RAPGEF2: variants seen among roughly 807,000 people sequenced by gnomAD.
The protein encoded by RAPGEF2 is Rap guanine nucleotide exchange factor 2.
In RAPGEF2, 54 loss-of-function variants were observed where a neutral mutation model predicts 186.7. The ratio of observed to expected loss-of-function variants is 0.29; its 90% confidence interval spans 0.23 to 0.36. The LOEUF is 0.36. RAPGEF2 is among the 10% of genes least tolerant of loss of function. RAPGEF2 has a pLI of 1.00. For synonymous variants in RAPGEF2, 712 were observed against 705.9 expected (o/e 1.01, Z -0.14); for missense variants, 1,532 against 2,045.0 (o/e 0.75, Z 4.84).
At chr4:159,346,745 A>G (rs1301645369) in intron 24 of RAPGEF2, 44 bp from the exon 25 acceptor site, 1 of 1,500,214 alleles carries the variant, frequency 6.7e-7, no homozygotes, top group Admixed American at 1.7e-5. Flanking sequence ...ACCTACTAGC[A>G]TCTAAAATTC....
At chr4:159,193,495 T>G (rs1748328692) in intron 3 of RAPGEF2, among the ~76,000 whole-genome samples, 1 of 152,218 alleles carries the variant, frequency 6.6e-6, no homozygotes, top group African/African-American at 2.4e-5. Flanking sequence ...AGATACTATT[T>G]CATATTGTAG....
chr4:159,293,219 G>C (rs557432601), intron 7 of RAPGEF2, among the ~76,000 whole-genome samples: 1 of 152,074 alleles, frequency 6.6e-6, no homozygotes, highest in Non-Finnish European at 1.5e-5. Flanking sequence ...CAATTTTCTC[G>C]TCTTAATATC....
At chr4:159,347,050 G>T in intron 25 of RAPGEF2, 52 bp downstream of exon 25, 1 of 1,483,262 alleles carries the variant, frequency 6.7e-7, no homozygotes, top group Non-Finnish European at 9.3e-7. Flanking sequence ...GTCATGGTTT[G>T]CAAATTAGGA....
At chr4:159,265,199 C>T (rs770861742) in intron 7 of RAPGEF2, among the ~76,000 whole-genome samples, 7 of 152,120 alleles carry the variant, frequency 4.6e-5, no homozygotes, top group Non-Finnish European at 7.4e-5. Flanking sequence ...GTGCTTGGTG[C>T]GGTGAACACA....
rs146642718 is a variant in RAPGEF2, at chr4:159,232,618, C to G, written c.282-6191C>G. ...GGTGTACAAATATCTGTTTGAGTCC[C>G]TGCTCTCAGTTCTTTTTGGTATTTA... On this transcript the variant is annotated intron_variant, in intron 4 of 29. Transcript: ENST00000691494. Among the ~76,000 whole-genome samples the G allele has an allele frequency of 1.4e-3, 213 of 152,238 alleles. 1 individual carries two copies. The Middle Eastern group carries it at 0.037, about 27-fold the overall frequency.
At chr4:159,303,383 T>C (rs1762905559) in intron 7 of RAPGEF2, among the ~76,000 whole-genome samples, 1 of 152,160 alleles carries the variant, frequency 6.6e-6, no homozygotes, top group South Asian at 2.1e-4. Context: ...AGGATCAATA[T>C]GCAGGAAAAA....
chr4:159,106,126 G>T (rs1319143065), intron 1 of RAPGEF2, among the ~76,000 whole-genome samples: 2 of 152,168 alleles, frequency 1.3e-5, no homozygotes. Context: ...ACTTGGCCTG[G>T]GCCAGCTACT....
intron 4 of RAPGEF2, among the ~76,000 whole-genome samples, chr4:159,211,288 G>A (rs905710844): frequency 6.6e-6 from 1 of 152,172 alleles, no homozygotes; most frequent in Admixed American, 6.5e-5. Context: ...GGGCTCATCT[G>A]TTACATACAT....
intron 1 of RAPGEF2, among the ~76,000 whole-genome samples, chr4:159,185,486 A>C (rs550640817): frequency 6.6e-6 from 1 of 152,354 alleles, no homozygotes; most frequent in East Asian, 1.9e-4. Context: ...ATTTGGCAAT[A>C]AAAAGGAAAG....
chr4:159,322,971 C>G (rs1765435450), intron 10 of RAPGEF2, among the ~76,000 whole-genome samples: 3 of 152,146 alleles, frequency 2.0e-5, no homozygotes, highest in South Asian at 2.1e-4. Context: ...GGTGGGGACA[C>G]AGAGCCACAC....
chr4:159,182,746 A>G (rs1389378692), intron 1 of RAPGEF2, among the ~76,000 whole-genome samples: 1 of 152,140 alleles, frequency 6.6e-6, no homozygotes, highest in Non-Finnish European at 1.5e-5. Context: ...TATTCTGTGA[A>G]TTATTGTCAT....
chr4:159,217,998 T>G (rs1160879337), intron 4 of RAPGEF2, among the ~76,000 whole-genome samples: 1 of 152,202 alleles, frequency 6.6e-6, no homozygotes, highest in Admixed American at 6.5e-5. Context: ...CTATATAGGA[T>G]TAGAAAATCG....
intron 7 of RAPGEF2, among the ~76,000 whole-genome samples, chr4:159,253,268 A>C (rs1465591731): frequency 6.6e-6 from 1 of 152,270 alleles, no homozygotes. Context: ...TGTTAGTGTA[A>C]CTTGCCTTAC....
At chr4:159,288,133 A>G (rs1456743124) in intron 7 of RAPGEF2, among the ~76,000 whole-genome samples, 1 of 152,202 alleles carries the variant, frequency 6.6e-6, no homozygotes, top group Non-Finnish European at 1.5e-5. Flanking sequence ...TATTCTCTCT[A>G]TAATTTCATA....
Position 159,338,484 on chromosome 4 carries a change from A to C in RAPGEF2, c.2293+16A>C. On this transcript the variant is annotated intron_variant, in intron 18 of 29. Transcript: ENST00000691494. Reference sequence around the variant, plus strand: ...GCTACTCCTGGTGAGTATCACCAACACTTCTTTTGTTTTCTTATAGTTATC... The same window carrying C: ...GCTACTCCTGGTGAGTATCACCAACCCTTCTTTTGTTTTCTTATAGTTATC... 1 of 1,592,010 alleles carries C rather than the reference A, an allele frequency of 6.3e-7. No individual in the cohort carries two copies. Among genetic ancestry groups the C allele is most frequent in the Non-Finnish European group, 8.6e-7 (1 of 1,164,356 alleles).
At chr4:159,236,486 A>G (rs562022588) in intron 4 of RAPGEF2, among the ~76,000 whole-genome samples, 3 of 152,336 alleles carry the variant, frequency 2.0e-5, no homozygotes, top group Non-Finnish European at 2.9e-5. Context: ...TGTGAACATT[A>G]ACATCTTTTG....
At chr4:159,285,737 A>G (rs1462011912) in intron 7 of RAPGEF2, among the ~76,000 whole-genome samples, 1 of 152,176 alleles carries the variant, frequency 6.6e-6, no homozygotes, top group Non-Finnish European at 1.5e-5. Context: ...CCATGTGTTT[A>G]TTGATTTCAA....
intron 7 of RAPGEF2, among the ~76,000 whole-genome samples, chr4:159,258,467 T>C (rs951204313): frequency 6.6e-6 from 1 of 152,196 alleles, no homozygotes; most frequent in Non-Finnish European, 1.5e-5. Flanking sequence ...GGAATGTATT[T>C]GATTACAACA....
intron 1 of RAPGEF2, among the ~76,000 whole-genome samples, chr4:159,166,486 C>G (rs924073347): frequency 2.5e-4 from 38 of 152,068 alleles, no homozygotes; most frequent in African/African-American, 7.5e-4. Flanking sequence ...GCATTTTTAC[C>G]TCTGCTGTGG....
Sources: allele counts gnomAD v4.1 joint callset (sites outside exome capture counted in the v4.1 genomes callset), GRCh38; gene constraint gnomAD v4.1.1; transcripts MANE v1.5; gene names NCBI Gene and HGNC (gene_info 2026-07-23, HGNC 2026-07-21).